The following CDS1 variants were observed in gnomAD, a reference collection of about 807,000 sequenced individuals.
CDS1 encodes CDP-diacylglycerol synthase 1, also known as phosphatidate cytidylyltransferase 1.
In CDS1, 41 loss-of-function variants were observed where a neutral mutation model predicts 62.1. The observed-to-expected ratio is 0.66, with a 90% CI of 0.51 to 0.86. The LOEUF (loss-of-function observed/expected upper bound fraction) is 0.86, where lower values mean the gene tolerates loss of function less well. CDS1 is among the 40% of genes least tolerant of loss of function. The pLI, the probability that CDS1 is intolerant of heterozygous loss-of-function variation, is 0.00. For missense variants in CDS1, 470 were observed against 550.1 expected (o/e 0.85, Z 1.46); for synonymous variants, 185 against 192.6 (o/e 0.96, Z 0.32).
rs1724297918 is a variant in CDS1, at chr4:84,638,912, G to T, written c.811-12G>T. 2 of 1,428,770 alleles carry T rather than the reference G, an allele frequency of 1.4e-6. No individual in the cohort carries two copies. Among genetic ancestry groups the T allele is most frequent in the East Asian group, 2.4e-5 (1 of 41,456 alleles). The allele number at this position is 1,428,770 out of a possible 1,614,324, so 88.5% of individuals were successfully genotyped here. On this transcript the variant is annotated splice_polypyrimidine_tract_variant and intron_variant, in intron 8 of 12. Coordinates refer to ENST00000295887, the MANE Select transcript of CDS1 (RefSeq NM_001263.4). The stretch of plus-strand genomic sequence containing the variant: ...GCAGTAAAGCTTTTTAATTTTATTT[G>T]CCCTTTTTTAGTTGTCTCCTAAAAA...
chr4:84,608,254 A>G lies in CDS1; in HGVS notation c.246-1175A>G, dbSNP rs1018674298. Among the ~76,000 whole-genome samples the G allele has an allele frequency of 3.3e-5, 5 of 152,324 alleles. No homozygotes were observed. The South Asian group carries it at 8.3e-4, about 25-fold the overall frequency. Reference sequence around the variant, plus strand: ...AGTGGCGCGATCTTGGCTCACTGAAAGCTCCGCCTCCCGGGTTCACGCCAT... The same window carrying G: ...AGTGGCGCGATCTTGGCTCACTGAAGGCTCCGCCTCCCGGGTTCACGCCAT... On this transcript the variant is annotated intron_variant, in intron 2 of 12. Coordinates refer to ENST00000295887, the MANE Select transcript of CDS1 (RefSeq NM_001263.4).
intron 1 of CDS1, among the ~76,000 whole-genome samples, chr4:84,592,154 A>ATTTTTTTTT (rs72236126): frequency 2.3e-5 from 2 of 86,044 alleles, no homozygotes; most frequent in African/African-American, 4.8e-5. Flanking sequence ...TTAATGACCA[A>ATTTTTTTTT]TTTTTTTTTT....
intron 3 of CDS1, among the ~76,000 whole-genome samples, chr4:84,615,508 T>C (rs148814026): frequency 6.6e-6 from 1 of 152,082 alleles, no homozygotes; most frequent in Non-Finnish European, 1.5e-5. Context: ...TCCTAGTAGT[T>C]CCCTTAATAC....
chr4:84,643,236 C>T (rs989946575), intron 11 of CDS1, 93 bp downstream of exon 11: 2 of 1,206,778 alleles, frequency 1.7e-6, no homozygotes, highest in East Asian at 2.4e-5. Context: ...CTACATTAAG[C>T]CCCTAGGCCA....
chr4:84,626,078 A>T (rs1231217658), intron 5 of CDS1, among the ~76,000 whole-genome samples: 1 of 152,118 alleles, frequency 6.6e-6, no homozygotes, highest in Non-Finnish European at 1.5e-5. Context: ...GACGCAGGGG[A>T]ATCCCTTGAA....
At chr4:84,636,281 T>C (rs192997536) in intron 8 of CDS1, among the ~76,000 whole-genome samples, 22 of 152,246 alleles carry the variant, frequency 1.4e-4, no homozygotes, top group Admixed American at 1.2e-3. Flanking sequence ...AAAAGAAGAT[T>C]TTGGGGCCCT....
At chr4:84,645,171 A>G (rs757018763) in intron 11 of CDS1, 51 bp from the exon 12 acceptor site, 1 of 1,139,972 alleles carries the variant, frequency 8.8e-7, no homozygotes, top group South Asian at 1.2e-5. Flanking sequence ...TAGGAATTTT[A>G]TAGCAGGTGA....
chr4:84,620,528 G>GT (rs1478254519), intron 5 of CDS1, among the ~76,000 whole-genome samples: 4 of 150,952 alleles, frequency 2.6e-5, no homozygotes, highest in Admixed American at 1.3e-4. Context: ...GGCCTAATTA[G>GT]TTTTTTAGAC....
chr4:84,599,229 A>G (rs1237082826), intron 1 of CDS1, among the ~76,000 whole-genome samples: 1 of 151,910 alleles, frequency 6.6e-6, no homozygotes, highest in Non-Finnish European at 1.5e-5. Flanking sequence ...AAGGGCACCA[A>G]ACCCATTTGT....
At chr4:84,593,696 G>A (rs1305460042) in intron 1 of CDS1, among the ~76,000 whole-genome samples, 2 of 151,978 alleles carry the variant, frequency 1.3e-5, no homozygotes, top group Non-Finnish European at 2.9e-5. Context: ...TAGAGACGGG[G>A]TTTCACCATG....
At chr4:84,589,554 T>A (rs1480979963) in intron 1 of CDS1, among the ~76,000 whole-genome samples, 1 of 152,254 alleles carries the variant, frequency 6.6e-6, no homozygotes, top group Non-Finnish European at 1.5e-5. Context: ...TGATAAATTA[T>A]CAGTCAGTAT....
intron 6 of CDS1, 119 bp downstream of exon 6, chr4:84,631,996 G>T: frequency 1.6e-6 from 1 of 612,228 alleles, no homozygotes; most frequent in Non-Finnish European, 2.9e-6. Context: ...GAATGTGAGG[G>T]ATACTTGGAT....
intron 1 of CDS1, among the ~76,000 whole-genome samples, chr4:84,601,896 G>A (rs937517686): frequency 2.6e-5 from 4 of 151,954 alleles, no homozygotes; most frequent in African/African-American, 9.7e-5. Flanking sequence ...CTGGGTGGCC[G>A]AGTGAGACTC....
intron 3 of CDS1, among the ~76,000 whole-genome samples, chr4:84,611,623 T>A (rs1176273140): frequency 6.6e-6 from 1 of 152,232 alleles, no homozygotes; most frequent in Non-Finnish European, 1.5e-5. Context: ...CACTTCTCTT[T>A]TTGTCCTCTC....
chr4:84,622,532 G>T (rs1293034591), intron 5 of CDS1, among the ~76,000 whole-genome samples: 1 of 152,202 alleles, frequency 6.6e-6, no homozygotes, highest in Non-Finnish European at 1.5e-5. Flanking sequence ...GGCAGAAGCT[G>T]CAGTGAGCTG....
intron 3 of CDS1, among the ~76,000 whole-genome samples, chr4:84,612,435 C>T (rs1387106367): frequency 1.3e-5 from 2 of 151,938 alleles, no homozygotes; most frequent in Admixed American, 1.3e-4. Flanking sequence ...CATTTTTCTC[C>T]AAACTGAACT....
chr4:84,636,645 C>G (rs540452832), intron 8 of CDS1, among the ~76,000 whole-genome samples: 4 of 152,332 alleles, frequency 2.6e-5, no homozygotes, highest in African/African-American at 9.6e-5. Context: ...CTGCCTCAGC[C>G]TCCCAAGTAT....
intron 5 of CDS1, 112 bp downstream of exon 5, chr4:84,619,645 C>G (rs1470105429): frequency 3.3e-6 from 2 of 608,992 alleles, no homozygotes; most frequent in East Asian, 3.2e-5. Flanking sequence ...TCCAGCCTCT[C>G]TTTTTCATTG....
intron 10 of CDS1, among the ~76,000 whole-genome samples, chr4:84,641,963 T>G (rs1724397220): frequency 6.6e-6 from 1 of 152,250 alleles, no homozygotes; most frequent in Non-Finnish European, 1.5e-5. Context: ...TGTTACCTGC[T>G]ATAAAACTTT....
Sources: allele counts gnomAD v4.1 joint callset (sites outside exome capture counted in the v4.1 genomes callset), GRCh38; gene constraint gnomAD v4.1.1; transcripts MANE v1.5; gene names NCBI Gene and HGNC (gene_info 2026-07-23, HGNC 2026-07-21).